Variants in ZNF207 observed in about 807,000 individuals in gnomAD.
ZNF207 encodes BUB3-interacting and GLEBS motif-containing protein ZNF207.
ZNF207 carries 24 observed loss-of-function variants against 60.2 expected under a neutral mutation model. The observed-to-expected ratio is 0.40, with a 90% CI of 0.29 to 0.56. The LOEUF (loss-of-function observed/expected upper bound fraction) is 0.56, where lower values mean the gene tolerates loss of function less well. Among genes scored for constraint, ZNF207 ranks in the 20% least tolerant of loss-of-function variants. The pLI is 0.49. For missense variants in ZNF207, 452 were observed against 636.6 expected (o/e 0.71, Z 3.12); for synonymous variants, 236 against 194.7 (o/e 1.21, Z -1.77).
chr17:32,373,379 A>G lies in ZNF207; in HGVS notation c.*3620A>G. Reference sequence around the variant, plus strand: ...ATTGGGAACTGTTTTTCTAAAATTAAAATTTTCTTCTTCCTATAGCCCTGC... The same window carrying G: ...ATTGGGAACTGTTTTTCTAAAATTAGAATTTTCTTCTTCCTATAGCCCTGC... On this transcript the variant is annotated 3_prime_UTR_variant, in exon 12 of 12. Coordinates refer to ENST00000394670, the MANE Select transcript of ZNF207 (RefSeq NM_001098507.2). The G allele has an allele frequency of 1.5e-6, 1 of 680,096 alleles. No individual in the cohort carries two copies. 42.1% of individuals were successfully genotyped at this position (680,096 alleles called of 1,614,324 possible).
At chr17:32,362,430 T>C (rs1365087336) in intron 6 of ZNF207, among the ~76,000 whole-genome samples, 1 of 152,218 alleles carries the variant, frequency 6.6e-6, no homozygotes, top group African/African-American at 2.4e-5. Context: ...TCAAAACTTC[T>C]GGGATTATAG....
At chr17:32,353,847 A>T (rs1389400281) in intron 2 of ZNF207, among the ~76,000 whole-genome samples, 1 of 151,802 alleles carries the variant, frequency 6.6e-6, no homozygotes, top group Non-Finnish European at 1.5e-5. Context: ...TTGTTAGAGA[A>T]CCTACTACAT....
At chr17:32,354,272 G>A (rs1319271681) in intron 2 of ZNF207, among the ~76,000 whole-genome samples, 1 of 151,678 alleles carries the variant, frequency 6.6e-6, no homozygotes, top group Non-Finnish European at 1.5e-5. Flanking sequence ...GAGCCACTGA[G>A]CCCGGCCATT....
At position 32,374,417 on chromosome 17, in the gene ZNF207, C is replaced by T. The variant is rs1346350078; in HGVS notation, c.*4658C>T. 2 of 151,592 alleles carry T rather than the reference C, an allele frequency of 1.3e-5. No homozygotes were observed. The highest frequency in any genetic ancestry group is 4.9e-5 in the African/African-American group (2 of 41,166). The allele number at this position is 151,592 out of a possible 1,614,324, so 9.4% of individuals were successfully genotyped here. A position where few individuals can be genotyped will look rare whatever the true frequency, so the allele number is the denominator to read the frequency against. ...TATTTTTAGTAGAGACGGGGTTTCA[C>T]CGTGTTAGCCAGGATGGTCTCGATC... On this transcript the variant is annotated 3_prime_UTR_variant, in exon 12 of 12. Coordinates refer to ENST00000394670, the MANE Select transcript of ZNF207 (RefSeq NM_001098507.2).
intron 2 of ZNF207, among the ~76,000 whole-genome samples, chr17:32,357,418 G>T (rs1432999475): frequency 6.9e-6 from 1 of 145,672 alleles, no homozygotes; most frequent in Non-Finnish European, 1.5e-5. Context: ...GCACGGTCTC[G>T]GCTCACTGTA....
At chr17:32,369,020 T>C (rs929614319) in intron 10 of ZNF207, 9 of 330,110 alleles carry the variant, frequency 2.7e-5, no homozygotes, top group African/African-American at 1.9e-4. Context: ...AAAAAGAATG[T>C]TAATAACAAT....
intron 2 of ZNF207, among the ~76,000 whole-genome samples, chr17:32,352,729 T>C (rs1183486159): frequency 6.6e-6 from 1 of 152,220 alleles, no homozygotes; most frequent in African/African-American, 2.4e-5. Flanking sequence ...ATGGCCTTGC[T>C]CTGTGGCCCA....
At chr17:32,363,528 A>ATTTTTTTTTT (rs1192049306) in intron 7 of ZNF207, among the ~76,000 whole-genome samples, 6 of 79,016 alleles carry the variant, frequency 7.6e-5, no homozygotes, top group African/African-American at 1.3e-4. Context: ...AATCCAACAA[A>ATTTTTTTTTT]CTTTTTTTTT....
chr17:32,365,893 C>T (rs754029725), intron 8 of ZNF207, among the ~76,000 whole-genome samples: 2 of 152,124 alleles, frequency 1.3e-5, no homozygotes, highest in African/African-American at 4.8e-5. Flanking sequence ...GCCTCTAGTA[C>T]GGAACAGTGA....
At chr17:32,362,542 TTTC>T (rs1904947065) in intron 6 of ZNF207, among the ~76,000 whole-genome samples, 1 of 152,184 alleles carries the variant, frequency 6.6e-6, no homozygotes, top group African/African-American at 2.4e-5. Context: ...GAAATAGAGA[TTTC>T]TTCTTTTTCT....
rs1343312859 is a variant in ZNF207, at chr17:32,381,524, AT to A, written c.*11766del. The stretch of plus-strand genomic sequence containing the variant: ...AAATGAAATGGAAGACTACATTTGT[AT>A]ATATATCTGTATAATTTTTGTTTAC... On this transcript the variant is annotated 3_prime_UTR_variant, in exon 12 of 12. Transcript: ENST00000394670. 1 of 152,232 alleles carries A rather than the reference AT, an allele frequency of 6.6e-6. No homozygotes were observed. Among genetic ancestry groups the A allele is most frequent in the Admixed American group, 6.5e-5 (1 of 15,280 alleles). The allele number at this position is 152,232 out of a possible 1,614,324, so 9.4% of individuals were successfully genotyped here.
Position 32,369,384 on chromosome 17 carries a change from T to C in ZNF207, c.1254T>C (p.Ile418=). 1 of 1,614,134 alleles carries C rather than the reference T, an allele frequency of 6.2e-7. No homozygotes were observed. Among genetic ancestry groups the C allele is most frequent in the Admixed American group, 1.7e-5 (1 of 60,012 alleles). The change falls in exon 11 of 12, where the codon ATT becomes ATC. Residue 418 remains isoleucine, a synonymous_variant. Coordinates refer to ENST00000394670, the MANE Select transcript of ZNF207 (RefSeq NM_001098507.2). ...APIGNPPVGP[I]GGMMPPQPGI... The stretch of plus-strand genomic sequence containing the variant: ...TCGGTAATCCACCAGTTGGACCAAT[T>C]GGAGGTATGATGCCACCACAGCCAG...
At chr17:32,359,182 G>C (rs181589797) in intron 3 of ZNF207, among the ~76,000 whole-genome samples, 1 of 151,784 alleles carries the variant, frequency 6.6e-6, no homozygotes, top group Non-Finnish European at 1.5e-5. Context: ...GTGCGATCTC[G>C]GCTTACCACA....
At position 32,360,659 on chromosome 17, in the gene ZNF207, C is replaced by G. The variant is rs140501729; in HGVS notation, c.369C>G (p.Ala123=). The G allele has an allele frequency of 1.2e-5, 19 of 1,613,886 alleles. No homozygotes were observed. In the African/African-American group the frequency reaches 2.3e-4, roughly 19 times the overall value. Residue 123 remains alanine (A), a synonymous_variant, in exon 4 of 12, where the codon GCC becomes GCG. Coordinates refer to ENST00000394670, the MANE Select transcript of ZNF207 (RefSeq NM_001098507.2). ...SDEYDDDDSA[A]STSFQPQPVQ... ...AATATGATGATGACGACTCTGCAGC[C>G]TCAACTTCATTTCAGCCACAGCCTG...
rs886137063 is a variant in ZNF207, at chr17:32,370,445, A to G, written c.*686A>G. On this transcript the variant is annotated 3_prime_UTR_variant, in exon 12 of 12. Coordinates refer to ENST00000394670, the MANE Select transcript of ZNF207 (RefSeq NM_001098507.2). Reference sequence around the variant, plus strand: ...CACATAATAAAATTCATAGTTACCAATGCAGTTTTGATATATCATTGGATT... The same window carrying G: ...CACATAATAAAATTCATAGTTACCAGTGCAGTTTTGATATATCATTGGATT... 2.6e-5 allele frequency: 4 copies of G among 152,510 alleles called. No individual in the cohort carries two copies. The highest frequency in any genetic ancestry group is 6.5e-5 in the Admixed American group (1 of 15,276). 9.4% of individuals were successfully genotyped at this position (152,510 alleles called of 1,614,324 possible). A position where few individuals can be genotyped will look rare whatever the true frequency, so the allele number is the denominator to read the frequency against.
chr17:32,380,528 GTTTA>G lies in ZNF207; in HGVS notation c.*10774_*10777del, dbSNP rs1425330675. ...TTTTAAAACTCGATGATGGCTTTCA[GTTTA>G]TTTAAGTCTTCTGTTTTTCAGCTCC... On this transcript the variant is annotated 3_prime_UTR_variant, in exon 12 of 12. Transcript: ENST00000394670. 2 of 152,174 alleles carry G rather than the reference GTTTA, an allele frequency of 1.3e-5. No homozygotes were observed. Among genetic ancestry groups the G allele is most frequent in the Non-Finnish European group, 2.9e-5 (2 of 68,032 alleles). 9.4% of individuals were successfully genotyped at this position (152,174 alleles called of 1,614,324 possible). A position where few individuals can be genotyped will look rare whatever the true frequency, so the allele number is the denominator to read the frequency against.
At chr17:32,363,182 G>A (rs1233200564) in intron 7 of ZNF207, among the ~76,000 whole-genome samples, 198 bp downstream of exon 7, 3 of 152,146 alleles carry the variant, frequency 2.0e-5, no homozygotes, top group African/African-American at 4.8e-5. Flanking sequence ...CTGCCTCACA[G>A]GTTCAGGCGA....
intron 7 of ZNF207, 127 bp downstream of exon 7, chr17:32,363,111 T>G (rs1023166002): frequency 7.8e-5 from 54 of 694,348 alleles, no homozygotes; most frequent in Non-Finnish European, 1.2e-4. Flanking sequence ...CTGTGAGAAG[T>G]GTTATATGGA....
chr17:32,362,720 G>C (rs950854883), intron 6 of ZNF207, 194 bp from the exon 7 acceptor site: 3 of 429,678 alleles, frequency 7.0e-6, no homozygotes, highest in South Asian at 6.6e-5. Flanking sequence ...CAAAGAGTTT[G>C]CTGGGTTTTA....
Sources: allele counts gnomAD v4.1 joint callset (sites outside exome capture counted in the v4.1 genomes callset), GRCh38; gene constraint gnomAD v4.1.1; transcripts MANE v1.5; gene names NCBI Gene and HGNC (gene_info 2026-07-23, HGNC 2026-07-21).